Variants in CALCRL observed in about 807,000 individuals in gnomAD.
The protein encoded by CALCRL is calcitonin receptor like receptor.
In CALCRL, 27 loss-of-function variants were observed where a neutral mutation model predicts 60.4. That is an observed-to-expected ratio of 0.45 (90% CI 0.33 to 0.62). The LOEUF is 0.62. CALCRL is among the 20% of genes least tolerant of loss of function. CALCRL has a pLI of 0.03. For synonymous variants in CALCRL, 190 were observed against 182.6 expected (o/e 1.04, Z -0.33); for missense variants, 424 against 540.7 (o/e 0.78, Z 2.14).
chr2:187,433,956 C>A (rs1053254527), intron 1 of CALCRL, among the ~76,000 whole-genome samples: 2 of 151,972 alleles, frequency 1.3e-5, no homozygotes, highest in Admixed American at 6.6e-5. Context: ...TAGAGAGACA[C>A]AATCACTCTC....
At chr2:187,387,031 T>G (rs187736189) in intron 3 of CALCRL, among the ~76,000 whole-genome samples, 1 of 152,148 alleles carries the variant, frequency 6.6e-6, no homozygotes, top group Non-Finnish European at 1.5e-5. Context: ...GTCTTGGGTA[T>G]GTGTTTATCA....
At chr2:187,381,774 G>A (rs890134945) in intron 5 of CALCRL, among the ~76,000 whole-genome samples, 1 of 152,062 alleles carries the variant, frequency 6.6e-6, no homozygotes, top group African/African-American at 2.4e-5. Flanking sequence ...TTTCTAACTT[G>A]TCAGATAGAG....
At chr2:187,413,203 A>G (rs1002098020) in intron 1 of CALCRL, among the ~76,000 whole-genome samples, 8 of 152,182 alleles carry the variant, frequency 5.3e-5, no homozygotes, top group African/African-American at 1.9e-4. Context: ...ACAGAGGGAG[A>G]GAAAGAGAAT....
intron 8 of CALCRL, among the ~76,000 whole-genome samples, chr2:187,373,473 T>A (rs1687619118): frequency 6.6e-6 from 1 of 152,212 alleles, no homozygotes; most frequent in Non-Finnish European, 1.5e-5. Context: ...CATTCAATGT[T>A]TACTTATTTT....
intron 1 of CALCRL, among the ~76,000 whole-genome samples, chr2:187,403,237 G>A (rs1688970476): frequency 6.6e-6 from 1 of 151,860 alleles, no homozygotes; most frequent in African/African-American, 2.4e-5. Flanking sequence ...TGAGAGCTTG[G>A]CAAGTGCAAG....
At chr2:187,424,293 A>G (rs1690024926) in intron 1 of CALCRL, among the ~76,000 whole-genome samples, 1 of 151,960 alleles carries the variant, frequency 6.6e-6, no homozygotes, top group Non-Finnish European at 1.5e-5. Context: ...AAAAGCTGCA[A>G]ATATTTGTGT....
chr2:187,399,809 C>G (rs559890529), intron 1 of CALCRL, among the ~76,000 whole-genome samples: 3 of 151,400 alleles, frequency 2.0e-5, no homozygotes, highest in Admixed American at 6.6e-5. Flanking sequence ...CATGGATGAG[C>G]TGGAAGGACA....
At chr2:187,368,040 A>G (rs1173781250) in intron 8 of CALCRL, among the ~76,000 whole-genome samples, 1 of 152,030 alleles carries the variant, frequency 6.6e-6, no homozygotes, top group Non-Finnish European at 1.5e-5. Context: ...TCAGACAGTG[A>G]ATCTGAACTC....
chr2:187,370,449 G>A (rs2105754108), intron 8 of CALCRL, among the ~76,000 whole-genome samples: 1 of 151,884 alleles, frequency 6.6e-6, no homozygotes, highest in Non-Finnish European at 1.5e-5. Context: ...TCATTCTATT[G>A]CCAGGAAAAC....
chr2:187,360,610 A>C lies in CALCRL; in HGVS notation c.769T>G (p.Phe257Val), dbSNP rs1245275576. 6.2e-7 allele frequency: 1 copy of C among 1,610,450 alleles called. No individual in the cohort carries two copies. The highest frequency in any genetic ancestry group is 1.3e-5 in the African/African-American group (1 of 74,730). The stretch of plus-strand genomic sequence containing the variant: ...TAATAACACTTACCCCAGCCAAGAA[A>C]ATAATACCACATTAAATGTTGCTTC... ...AEKQHLMWYYFLGWGFPLIPA... is the reference protein window; with the variant it reads ...AEKQHLMWYYVLGWGFPLIPA... The change falls in exon 10 of 15, where the codon TTT becomes GTT. Residue 257 changes from phenylalanine (F) to valine (V), a missense_variant. Coordinates refer to ENST00000392370, the MANE Select transcript of CALCRL (RefSeq NM_005795.6).
At chr2:187,372,316 TTA>T (rs1219341757) in intron 8 of CALCRL, among the ~76,000 whole-genome samples, 1 of 113,982 alleles carries the variant, frequency 8.8e-6, no homozygotes, top group Non-Finnish European at 2.0e-5. Flanking sequence ...CCAGTAGAGT[TTA>T]TTTTTTTTTT....
intron 1 of CALCRL, among the ~76,000 whole-genome samples, chr2:187,412,332 A>G (rs749608867): frequency 1.3e-5 from 2 of 152,166 alleles, no homozygotes; most frequent in African/African-American, 2.4e-5. Flanking sequence ...CCCAAAGACA[A>G]GAGAAATGAT....
At chr2:187,447,099 C>G (rs1383011603) in intron 1 of CALCRL, among the ~76,000 whole-genome samples, 1 of 152,018 alleles carries the variant, frequency 6.6e-6, no homozygotes, top group African/African-American at 2.4e-5. Flanking sequence ...TCAGGACAGT[C>G]TGTACTATCG....
intron 1 of CALCRL, among the ~76,000 whole-genome samples, chr2:187,389,841 T>G (rs180840099): frequency 1.3e-5 from 2 of 152,150 alleles, no homozygotes; most frequent in Non-Finnish European, 2.9e-5. Context: ...TTTATTGGAA[T>G]GTATGATTAT....
intron 1 of CALCRL, among the ~76,000 whole-genome samples, chr2:187,399,519 C>T (rs61080294): frequency 9.1e-4 from 138 of 151,470 alleles, no homozygotes; most frequent in African/African-American, 3.3e-3. Flanking sequence ...AAATTATAAA[C>T]TTTGTGTTCA....
chr2:187,376,277 CTG>C (rs1574246143), intron 8 of CALCRL, among the ~76,000 whole-genome samples: 1 of 151,796 alleles, frequency 6.6e-6, no homozygotes, highest in Non-Finnish European at 1.5e-5. Context: ...ATTTTTTTCT[CTG>C]TTTATTATAC....
intron 1 of CALCRL, among the ~76,000 whole-genome samples, chr2:187,408,448 A>G (rs1339530321): frequency 2.6e-5 from 4 of 152,070 alleles, no homozygotes; most frequent in Admixed American, 2.0e-4. Context: ...ATAAAACCCA[A>G]TGATGTTTAA....
At chr2:187,368,422 G>A (rs986924631) in intron 8 of CALCRL, among the ~76,000 whole-genome samples, 1 of 151,766 alleles carries the variant, frequency 6.6e-6, no homozygotes, top group Non-Finnish European at 1.5e-5. Context: ...TACCAAACAA[G>A]AATTATCATT....
chr2:187,406,678 T>C (rs1689143673), intron 1 of CALCRL, among the ~76,000 whole-genome samples: 1 of 152,026 alleles, frequency 6.6e-6, no homozygotes, highest in African/African-American at 2.4e-5. Context: ...GATCCAATAA[T>C]TGTTAGAAAA....
Sources: allele counts gnomAD v4.1 joint callset (sites outside exome capture counted in the v4.1 genomes callset), GRCh38; gene constraint gnomAD v4.1.1; transcripts MANE v1.5; gene names NCBI Gene and HGNC (gene_info 2026-07-23, HGNC 2026-07-21).